EHD4: variants seen among roughly 807,000 people sequenced by gnomAD.
EHD4 encodes the protein EH domain-containing protein 4.
Under a neutral mutation model 51.0 loss-of-function variants are expected in EHD4, and 37 were observed. The ratio of observed to expected loss-of-function variants is 0.73; its 90% CI spans 0.56 to 0.95. The LOEUF (loss-of-function observed/expected upper bound fraction) is 0.95, where lower values mean the gene tolerates loss of function less well. Among genes scored for constraint, EHD4 ranks in the 40% least tolerant of loss-of-function variants. EHD4 has a pLI of 0.00. For synonymous variants in EHD4, 297 were observed against 317.3 expected (o/e 0.94, Z 0.68); for missense variants, 632 against 733.1 (o/e 0.86, Z 1.59).
At chr15:41,968,415 G>A (rs751649777) in intron 1 of EHD4, among the ~76,000 whole-genome samples, 16 of 151,112 alleles carry the variant, frequency 1.1e-4, no homozygotes, top group Admixed American at 2.6e-4. Context: ...GGGATTGTGG[G>A]ATGGCTACTT....
intron 5 of EHD4, among the ~76,000 whole-genome samples, chr15:41,903,467 C>T (rs558054150): frequency 6.6e-6 from 1 of 151,220 alleles, no homozygotes; most frequent in Non-Finnish European, 1.5e-5. Flanking sequence ...CACACACACA[C>T]ACACACACAC....
At chr15:41,952,132 C>T (rs1364690247) in intron 2 of EHD4, among the ~76,000 whole-genome samples, 1 of 152,258 alleles carries the variant, frequency 6.6e-6, no homozygotes, top group African/African-American at 2.4e-5. Context: ...CCTGGGTGGC[C>T]CTCAGCCGAG....
rs2140979855 is a variant in EHD4, at chr15:41,900,015, G to GC, written c.*629dup. 6.5e-6 allele frequency: 1 copy of GC among 152,692 alleles called. No homozygotes were observed. The highest frequency in any genetic ancestry group is 2.4e-5 in the African/African-American group (1 of 41,552). The allele number at this position is 152,692 out of a possible 1,614,324, so 9.5% of individuals were successfully genotyped here. A position where few individuals can be genotyped will look rare whatever the true frequency, so the allele number is the denominator to read the frequency against. On this transcript the variant is annotated 3_prime_UTR_variant, in exon 6 of 6. Coordinates refer to ENST00000220325, the MANE Select transcript of EHD4 (RefSeq NM_139265.4). The surrounding 1 kb of genome is among the most constrained non-coding windows in gnomAD (Gnocchi z 4.8). ...GGCACTGGGATGGAGGCACGCTGGG[G>GC]CCTGACTGCCTGCTCTGCTGGAGAC...
intron 1 of EHD4, among the ~76,000 whole-genome samples, chr15:41,961,897 TAAGAG>T (rs150375608): frequency 0.038 from 5,757 of 152,212 alleles, 371 homozygotes; most frequent in African/African-American, 0.13. Context: ...CTAGAAAACC[TAAGAG>T]AATCTACTGA....
intron 3 of EHD4, among the ~76,000 whole-genome samples, chr15:41,934,315 T>C (rs1401104277): frequency 1.3e-5 from 2 of 151,342 alleles, no homozygotes; most frequent in Non-Finnish European, 2.9e-5. Flanking sequence ...GGAAGTTTTT[T>C]TTTTTTTTTT....
chr15:41,933,695 C>T (rs1243404131), intron 3 of EHD4, among the ~76,000 whole-genome samples: 1 of 152,186 alleles, frequency 6.6e-6, no homozygotes, highest in African/African-American at 2.4e-5. Context: ...CCTCTAGCAA[C>T]AGGGATTGAG....
chr15:41,911,772 C>T (rs990392922), intron 4 of EHD4, among the ~76,000 whole-genome samples: 3 of 152,166 alleles, frequency 2.0e-5, no homozygotes, highest in Admixed American at 1.3e-4. Context: ...GAGACCACCC[C>T]CTTCCCTGCT....
intron 4 of EHD4, among the ~76,000 whole-genome samples, chr15:41,912,267 G>C (rs994695737): frequency 1.3e-5 from 2 of 152,150 alleles, no homozygotes; most frequent in African/African-American, 2.4e-5. Context: ...TCCACTTCTA[G>C]GAAGTTCTGT....
intron 1 of EHD4, among the ~76,000 whole-genome samples, chr15:41,969,555 AAT>A (rs2067983537): frequency 6.6e-6 from 1 of 152,026 alleles, no homozygotes; most frequent in African/African-American, 2.4e-5. Flanking sequence ...AAAAAAAAAA[AAT>A]TGTGTAGTTT....
chr15:41,918,668 G>A (rs968037252), intron 4 of EHD4, among the ~76,000 whole-genome samples: 3 of 152,152 alleles, frequency 2.0e-5, no homozygotes, highest in African/African-American at 4.8e-5. Flanking sequence ...ATGAGGATGC[G>A]GGGGTGACCC....
At chr15:41,950,976 T>G (rs1176855750) in intron 2 of EHD4, among the ~76,000 whole-genome samples, 1 of 152,200 alleles carries the variant, frequency 6.6e-6, no homozygotes, top group African/African-American at 2.4e-5. Flanking sequence ...TCATCATTAC[T>G]GGAGGGCTAC....
intron 3 of EHD4, among the ~76,000 whole-genome samples, chr15:41,935,012 C>T (rs545147663): frequency 9.7e-4 from 147 of 152,196 alleles, no homozygotes; most frequent in African/African-American, 3.3e-3. Flanking sequence ...CAGCAGGTGG[C>T]GGGGGGGCCT....
At chr15:41,919,829 G>T (rs74372831) in intron 3 of EHD4, among the ~76,000 whole-genome samples, 1 of 141,752 alleles carries the variant, frequency 7.1e-6, no homozygotes, top group Non-Finnish European at 1.6e-5. Context: ...ACAGGAGGAG[G>T]GAGGAAAGAG....
rs1679644864 is a variant in EHD4, at chr15:41,964,141, T to A, written c.236+8118A>T. Among the ~76,000 whole-genome samples, 6 of 75,772 alleles carry A rather than the reference T, an allele frequency of 7.9e-5. No individual in the cohort carries two copies. In the South Asian group the frequency reaches 2.3e-3, roughly 29 times the overall value. 49.7% of individuals were successfully genotyped at this position (75,772 alleles called of 152,430 possible). The stretch of plus-strand genomic sequence containing the variant: ...GCCTGGGTGACAGAGTGAGACTCCA[T>A]CTCAAAAAAAAAAAAAAAAAAAAAA... On this transcript the variant is annotated intron_variant, in intron 1 of 5. Transcript: ENST00000220325.
At position 41,899,986 on chromosome 15, in the gene EHD4, TC is replaced by T. The variant is rs1366356163; in HGVS notation, c.*658del. ...GTTGGGAGGGCTGACCAGATGGTCA[TC>T]GGGGCACTGGGATGGAGGCACGCTG... On this transcript the variant is annotated 3_prime_UTR_variant, in exon 6 of 6. Coordinates refer to ENST00000220325, the MANE Select transcript of EHD4 (RefSeq NM_139265.4). The T allele has an allele frequency of 1.3e-5, 2 of 152,462 alleles. No individual in the cohort carries two copies. Among genetic ancestry groups the T allele is most frequent in the African/African-American group, 4.8e-5 (2 of 41,424 alleles). 9.4% of individuals were successfully genotyped at this position (152,462 alleles called of 1,614,324 possible). A position where few individuals can be genotyped will look rare whatever the true frequency, so the allele number is the denominator to read the frequency against.
chr15:41,902,847 A>ATG (rs905964094), intron 5 of EHD4, among the ~76,000 whole-genome samples: 3 of 148,844 alleles, frequency 2.0e-5, no homozygotes, highest in Non-Finnish European at 3.0e-5. Context: ...ATGTATATAT[A>ATG]TATGTTAGGG....
rs969767467 is a variant in EHD4 at position 41,898,144 on chromosome 15, T to C, written c.*2501A>G. The C allele has an allele frequency of 6.6e-6, 1 of 151,644 alleles. No individual in the cohort carries two copies. Among genetic ancestry groups the C allele is most frequent in the Non-Finnish European group, 1.5e-5 (1 of 67,862 alleles). The allele number at this position is 151,644 out of a possible 1,614,324, so 9.4% of individuals were successfully genotyped here. ...TAAGAAAAGTGGCCAAATGATTTCC[T>C]TTTTTTTTCCTTTCTCTCCAAGAAC... is the stretch of plus-strand genomic sequence containing the variant. On this transcript the variant is annotated 3_prime_UTR_variant, in exon 6 of 6. Coordinates refer to ENST00000220325, the MANE Select transcript of EHD4 (RefSeq NM_139265.4).
At chr15:41,903,281 G>GA (rs566427405) in intron 5 of EHD4, among the ~76,000 whole-genome samples, 9,660 of 84,284 alleles carry the variant, frequency 0.11, 527 homozygotes, top group East Asian at 0.33. Context: ...AGGCTGCTAG[G>GA]AAAAAAAAAA....
rs1338139353 is a variant in EHD4, at chr15:41,896,692, G to T, written c.*3953C>A. On this transcript the variant is annotated 3_prime_UTR_variant, in exon 6 of 6. Coordinates refer to ENST00000220325, the MANE Select transcript of EHD4 (RefSeq NM_139265.4). Reference sequence around the variant, plus strand: ...GCAGGGGCAGTGCTGGACAGGCAGGGGCTCCTCCCTAGCACGACTGGAGAA... The same window carrying T: ...GCAGGGGCAGTGCTGGACAGGCAGGTGCTCCTCCCTAGCACGACTGGAGAA... The T allele has an allele frequency of 6.6e-6, 1 of 152,234 alleles. No individual in the cohort carries two copies. Among genetic ancestry groups the T allele is most frequent in the Non-Finnish European group, 1.5e-5 (1 of 68,096 alleles). The allele number at this position is 152,234 out of a possible 1,614,324, so 9.4% of individuals were successfully genotyped here.
Sources: allele counts gnomAD v4.1 joint callset (sites outside exome capture counted in the v4.1 genomes callset), GRCh38; gene constraint gnomAD v4.1.1; non-coding constraint Gnocchi (gnomAD v3.1); transcripts MANE v1.5; gene names NCBI Gene and HGNC (gene_info 2026-07-23, HGNC 2026-07-21).